Variants in SMAP2 observed in about 807,000 individuals in gnomAD.
SMAP2 encodes small ArfGAP2.
In SMAP2, 25 loss-of-function variants were observed where a neutral mutation model predicts 56.4. The observed-to-expected ratio is 0.44, with a 90% CI of 0.32 to 0.62. SMAP2 has a LOEUF of 0.62. Ranked by LOEUF, SMAP2 falls within the 20% of genes least tolerant of loss-of-function variation. The pLI, the probability that SMAP2 is intolerant of heterozygous loss-of-function variation, is 0.04. For synonymous variants in SMAP2, 157 were observed against 181.7 expected (o/e 0.86, Z 1.09); for missense variants, 388 against 545.6 (o/e 0.71, Z 2.88).
intron 1 of SMAP2, among the ~76,000 whole-genome samples, chr1:40,387,465 G>T (rs1280460960): frequency 1.3e-5 from 2 of 152,202 alleles, no homozygotes; most frequent in African/African-American, 4.8e-5. Context: ...TTACCAAGGG[G>T]ATTCTCTGGG....
chr1:40,417,192 G>A, intron 9 of SMAP2, 96 bp downstream of exon 9: 1 of 709,644 alleles, frequency 1.4e-6, no homozygotes, highest in Non-Finnish European at 2.3e-6. Context: ...TCCTTTCCAT[G>A]TAGATGAGAT....
intron 1 of SMAP2, among the ~76,000 whole-genome samples, chr1:40,404,574 T>C (rs1644867773): frequency 6.6e-6 from 1 of 152,224 alleles, no homozygotes; most frequent in African/African-American, 2.4e-5. Context: ...ATTTCACAGC[T>C]GACTTTTAAT....
Position 40,408,793 on chromosome 1 carries a change from A to G in SMAP2, c.323+55A>G. ...GAGTGGTATTTTGATGCTTGGGGAG[A>G]GTCAGACAAGACTCCAGTCCTGTAA... On this transcript the variant is annotated intron_variant, in intron 3 of 9. Transcript: ENST00000372718. The surrounding 1 kb of genome is among the most constrained non-coding windows in gnomAD (Gnocchi z 4.3). 2.1e-6 allele frequency: 3 copies of G among 1,409,418 alleles called. No homozygotes were observed. The highest frequency in any genetic ancestry group is 3.0e-6 in the Non-Finnish European group (3 of 994,648). The allele number at this position is 1,409,418 out of a possible 1,614,324, so 87.3% of individuals were successfully genotyped here.
chr1:40,355,251 A>T (rs1273359928), intron 1 of SMAP2, among the ~76,000 whole-genome samples: 2 of 152,144 alleles, frequency 1.3e-5, no homozygotes, highest in African/African-American at 4.8e-5. Flanking sequence ...TCAGGTTATG[A>T]TAGTGGTGCT....
chr1:40,352,564 G>T (rs1329138839), intron 1 of SMAP2, among the ~76,000 whole-genome samples: 2 of 151,618 alleles, frequency 1.3e-5, no homozygotes, highest in African/African-American at 4.8e-5. Context: ...TTAAAGACAG[G>T]ATCTTGCTCT....
At chr1:40,378,630 A>G (rs980106948) in intron 1 of SMAP2, among the ~76,000 whole-genome samples, 1 of 152,164 alleles carries the variant, frequency 6.6e-6, no homozygotes, top group African/African-American at 2.4e-5. Context: ...AGTTAAGAGT[A>G]CAAGACATTT....
At chr1:40,372,166 TA>T (rs1644500368), upstream of SMAP2, among the ~76,000 whole-genome samples, 1 of 152,196 alleles carries the variant, frequency 6.6e-6, no homozygotes, top group Non-Finnish European at 1.5e-5. Flanking sequence ...AGGATTAATT[TA>T]ACCAGATTTA....
intron 1 of SMAP2, among the ~76,000 whole-genome samples, chr1:40,388,487 G>A (rs1193967615): frequency 2.0e-5 from 3 of 152,058 alleles, no homozygotes; most frequent in African/African-American, 7.2e-5. Flanking sequence ...ACTCTGGTGG[G>A]GACTTGGAGA....
chr1:40,371,774 A>G (rs1026545963), upstream of SMAP2, among the ~76,000 whole-genome samples: 8 of 152,254 alleles, frequency 5.3e-5, no homozygotes, highest in African/African-American at 1.9e-4. Flanking sequence ...CTAATTGTCT[A>G]TCATTCACTA....
At chr1:40,352,097 T>C (rs1354955886) in intron 1 of SMAP2, among the ~76,000 whole-genome samples, 3 of 152,132 alleles carry the variant, frequency 2.0e-5, no homozygotes, top group Non-Finnish European at 2.9e-5. Flanking sequence ...AGTTACTCCA[T>C]AGGCAGAGCA....
intron 1 of SMAP2, among the ~76,000 whole-genome samples, chr1:40,392,821 C>T (rs868325991): frequency 1.3e-5 from 2 of 151,990 alleles, no homozygotes; most frequent in Non-Finnish European, 2.9e-5. Context: ...TAAATTAGGC[C>T]GGGCTCAGTG....
intron 1 of SMAP2, among the ~76,000 whole-genome samples, chr1:40,357,797 G>A (rs78931245): frequency 0.075 from 11,392 of 152,050 alleles, 588 homozygotes; most frequent in East Asian, 0.24. Flanking sequence ...GTCCATTTTT[G>A]TGCCAATGCC....
chr1:40,394,228 T>C (rs890133304), intron 1 of SMAP2, among the ~76,000 whole-genome samples: 9 of 152,184 alleles, frequency 5.9e-5, no homozygotes, highest in Admixed American at 3.3e-4. Context: ...TCTCCTCTTA[T>C]GCGGTGTGTT....
At chr1:40,417,633 T>C (rs1452801353) in intron 9 of SMAP2, among the ~76,000 whole-genome samples, 1 of 152,108 alleles carries the variant, frequency 6.6e-6, no homozygotes, top group Admixed American at 6.5e-5. Context: ...ATTAGAACTC[T>C]GTTTACTTGG....
At chr1:40,421,242 C>G (rs1407665581) in intron 9 of SMAP2, among the ~76,000 whole-genome samples, 1 of 151,974 alleles carries the variant, frequency 6.6e-6, no homozygotes, top group Non-Finnish European at 1.5e-5. Context: ...AATAGTTTCT[C>G]CTAAAGAAAA....
intron 1 of SMAP2, among the ~76,000 whole-genome samples, chr1:40,405,633 T>G (rs972380348): frequency 6.6e-6 from 1 of 152,204 alleles, no homozygotes; most frequent in Non-Finnish European, 1.5e-5. Context: ...ACCTCTTTAT[T>G]GCATCCTCTA....
At position 40,373,980 on chromosome 1, in the gene SMAP2, G is replaced by A; in HGVS notation, c.-141G>A. 1.6e-6 allele frequency: 1 copy of A among 621,306 alleles called. No homozygotes were observed. Among genetic ancestry groups the A allele is most frequent in the Admixed American group, 3.0e-5 (1 of 33,150 alleles). The allele number at this position is 621,306 out of a possible 1,614,324, so 38.5% of individuals were successfully genotyped here. A position where few individuals can be genotyped will look rare whatever the true frequency, so the allele number is the denominator to read the frequency against. On this transcript the variant is annotated 5_prime_UTR_variant, in exon 1 of 10. Coordinates refer to ENST00000372718, the MANE Select transcript of SMAP2 (RefSeq NM_022733.3). Reference sequence around the variant, plus strand: ...GCCCCCGACCCGGGAAGGGGCGTCCGGCGGGGCCGGAGGAGAGGGCTCTCC... The same window carrying A: ...GCCCCCGACCCGGGAAGGGGCGTCCAGCGGGGCCGGAGGAGAGGGCTCTCC...
intron 1 of SMAP2, among the ~76,000 whole-genome samples, chr1:40,347,793 T>G (rs1286863127): frequency 1.3e-5 from 2 of 152,244 alleles, no homozygotes; most frequent in Non-Finnish European, 2.9e-5. Flanking sequence ...GTGGTACATA[T>G]TCTTCCAGCT....
At chr1:40,392,051 C>A (rs907331405) in intron 1 of SMAP2, among the ~76,000 whole-genome samples, 8 of 152,140 alleles carry the variant, frequency 5.3e-5, no homozygotes, top group Non-Finnish European at 1.2e-4. Flanking sequence ...CTCAGCAGTC[C>A]CTCCCTGCAC....
Sources: gnomAD v4.1 joint callset for allele counts (sites outside exome capture counted in the v4.1 genomes callset) on GRCh38, gnomAD v4.1.1 for gene constraint, Gnocchi (gnomAD v3.1) non-coding constraint, MANE v1.5 for transcripts, NCBI Gene and HGNC (gene_info 2026-07-23, HGNC 2026-07-21) for gene names.